CCSER1: variants seen among roughly 807,000 people sequenced by gnomAD.
CCSER1 encodes the protein coiled-coil serine rich protein 1, also known as serine-rich coiled-coil domain-containing protein 1.
In CCSER1, 41 loss-of-function variants were observed where a neutral mutation model predicts 82.0. The ratio of observed to expected loss-of-function variants is 0.50; its 90% CI spans 0.39 to 0.65. CCSER1 has a LOEUF of 0.65. Among genes scored for constraint, CCSER1 ranks in the 30% least tolerant of loss-of-function variants. The probability of loss-of-function intolerance (pLI) is 0.00; values close to 1 mark genes in which losing one functional copy is unlikely to be tolerated. For synonymous variants in CCSER1, 414 were observed against 383.9 expected (o/e 1.08, Z -0.92); for missense variants, 1,119 against 1,064.2 (o/e 1.05, Z -0.72).
At chr4:90,932,955 A>AAAG (rs1216117185) in intron 9 of CCSER1, among the ~76,000 whole-genome samples, 1 of 44,218 alleles carries the variant, frequency 2.3e-5, no homozygotes, top group South Asian at 5.7e-4. Context: ...AGAAAGAAAG[A>AAAG]AAGAAAGAAA....
At chr4:90,541,120 C>A (rs1230586949) in intron 5 of CCSER1, among the ~76,000 whole-genome samples, 2 of 151,852 alleles carry the variant, frequency 1.3e-5, no homozygotes, top group Non-Finnish European at 2.9e-5. Context: ...TGGCCTGATG[C>A]TGTGGCTAGG....
At chr4:90,543,380 A>G (rs777000430) in intron 5 of CCSER1, among the ~76,000 whole-genome samples, 1 of 152,158 alleles carries the variant, frequency 6.6e-6, no homozygotes, top group Non-Finnish European at 1.5e-5. Flanking sequence ...GTGGGCCCTA[A>G]ATCCTGCATT....
chr4:91,068,205 C>T (rs755424808), intron 9 of CCSER1, among the ~76,000 whole-genome samples: 7 of 152,164 alleles, frequency 4.6e-5, no homozygotes, highest in Non-Finnish European at 8.8e-5. Flanking sequence ...ATCCAATTCT[C>T]AGAAATTCAT....
At chr4:91,281,200 CTT>C (rs1560563997) in intron 10 of CCSER1, among the ~76,000 whole-genome samples, 1 of 152,140 alleles carries the variant, frequency 6.6e-6, no homozygotes, top group African/African-American at 2.4e-5. Context: ...CCTTCCATGT[CTT>C]AGGCATTTCT....
intron 10 of CCSER1, among the ~76,000 whole-genome samples, chr4:91,452,466 T>TA (rs1005641440): frequency 6.6e-6 from 1 of 152,000 alleles, no homozygotes; most frequent in African/African-American, 2.4e-5. Flanking sequence ...CCAGAAATAC[T>TA]AAAAAACACT....
intron 10 of CCSER1, among the ~76,000 whole-genome samples, chr4:91,456,991 A>G (rs1430101162): frequency 6.6e-6 from 1 of 152,138 alleles, no homozygotes; most frequent in African/African-American, 2.4e-5. Context: ...TAAAATAAGA[A>G]TTATTTAATT....
At chr4:90,252,904 G>A (rs1722653702) in intron 1 of CCSER1, among the ~76,000 whole-genome samples, 1 of 151,422 alleles carries the variant, frequency 6.6e-6, no homozygotes, top group Non-Finnish European at 1.5e-5. Context: ...TTATTTTTAT[G>A]GTATAGTTTT....
chr4:91,329,734 A>T (rs1178055550), intron 10 of CCSER1, among the ~76,000 whole-genome samples: 2 of 152,170 alleles, frequency 1.3e-5, no homozygotes, highest in African/African-American at 2.4e-5. Context: ...CTCTACCCTC[A>T]TGATCTAATT....
chr4:90,882,805 A>G (rs1721540508), intron 8 of CCSER1, among the ~76,000 whole-genome samples: 1 of 152,066 alleles, frequency 6.6e-6, no homozygotes, highest in African/African-American at 2.4e-5. Context: ...AACTTCACTT[A>G]GGAATAGGTT....
intron 6 of CCSER1, among the ~76,000 whole-genome samples, chr4:90,655,359 G>C (rs1023072778): frequency 6.6e-6 from 1 of 151,994 alleles, no homozygotes; most frequent in Non-Finnish European, 1.5e-5. Flanking sequence ...GGTGTGTTTT[G>C]TGAGATGACA....
chr4:91,566,542 G>C (rs779044016), intron 10 of CCSER1, among the ~76,000 whole-genome samples: 1 of 151,916 alleles, frequency 6.6e-6, no homozygotes, highest in Non-Finnish European at 1.5e-5. Flanking sequence ...CTGGTAGGCT[G>C]TTTATTACTG....
At chr4:90,335,523 C>T (rs1740215792) in intron 3 of CCSER1, among the ~76,000 whole-genome samples, 1 of 152,168 alleles carries the variant, frequency 6.6e-6, no homozygotes, top group Admixed American at 6.6e-5. Flanking sequence ...CTTTCTATGA[C>T]ATTTCATCTA....
chr4:90,411,910 C>A (rs1166316357), intron 4 of CCSER1, among the ~76,000 whole-genome samples: 3 of 152,042 alleles, frequency 2.0e-5, no homozygotes, highest in Non-Finnish European at 1.5e-5. Context: ...AGCTGATAAG[C>A]AACTTCAGCA....
intron 8 of CCSER1, among the ~76,000 whole-genome samples, chr4:90,816,149 G>A (rs1027122325): frequency 2.6e-5 from 4 of 152,110 alleles, no homozygotes; most frequent in Non-Finnish European, 4.4e-5. Context: ...CATTGTTTTT[G>A]TAAAGTGCAT....
intron 10 of CCSER1, among the ~76,000 whole-genome samples, chr4:91,143,254 A>AT (rs34900415): frequency 0.014 from 2,100 of 145,606 alleles, 38 homozygotes; most frequent in African/African-American, 0.038. Context: ...TGTGAATTTG[A>AT]TTTTTTTTTT....
chr4:90,808,902 G>A (rs1721935838), intron 7 of CCSER1, among the ~76,000 whole-genome samples: 1 of 152,020 alleles, frequency 6.6e-6, no homozygotes, highest in Non-Finnish European at 1.5e-5. Flanking sequence ...TCTACCCAAA[G>A]GAAAAGAAAT....
At chr4:90,940,941 C>A (rs1251834017) in intron 9 of CCSER1, among the ~76,000 whole-genome samples, 5 of 151,940 alleles carry the variant, frequency 3.3e-5, no homozygotes, top group Non-Finnish European at 1.5e-5. Context: ...TGTAGAATAG[C>A]AGAATTAAAT....
At chr4:90,844,157 TATAG>T (rs146224460) in intron 8 of CCSER1, among the ~76,000 whole-genome samples, 54 of 150,972 alleles carry the variant, frequency 3.6e-4, no homozygotes, top group South Asian at 4.2e-4. Flanking sequence ...GTTGTGTATA[TATAG>T]ATAGATAGAT....
intron 10 of CCSER1, among the ~76,000 whole-genome samples, chr4:91,222,564 G>A (rs1360514728): frequency 1.3e-5 from 2 of 152,110 alleles, no homozygotes; most frequent in Admixed American, 1.3e-4. Context: ...TAATATTTAT[G>A]CTTTCCCAGG....
Sources: allele counts gnomAD v4.1 joint callset (sites outside exome capture counted in the v4.1 genomes callset), GRCh38; gene constraint gnomAD v4.1.1; transcripts MANE v1.5; gene names NCBI Gene and HGNC (gene_info 2026-07-23, HGNC 2026-07-21).